SYNE1: variants seen among roughly 807,000 people sequenced by gnomAD.
The protein encoded by SYNE1 is spectrin repeat containing nuclear envelope protein 1, also known as nesprin-1.
Under a neutral mutation model 1,111.0 loss-of-function variants are expected in SYNE1, and 616 were observed. The ratio of observed to expected loss-of-function variants is 0.55; its 90% CI spans 0.52 to 0.59. The LOEUF (loss-of-function observed/expected upper bound fraction) is 0.59, where lower values mean the gene tolerates loss of function less well. SYNE1 is among the 20% of genes least tolerant of loss of function. SYNE1 has a pLI of 0.00. For missense variants in SYNE1, 10,006 were observed against 10,417.0 expected (o/e 0.96, Z 1.72); for synonymous variants, 3,855 against 3,825.8 (o/e 1.01, Z -0.28).
chr6:152,284,079 C>T lies in SYNE1; in HGVS notation c.18106G>A (p.Asp6036Asn), dbSNP rs147615757. The change falls in exon 96 of 146, where the codon GAC becomes AAC. Residue 6036 changes from aspartate to asparagine, a missense_variant. Asp to Asn is a conservative substitution (Grantham distance 23). Transcript: ENST00000367255. Reference protein sequence around the residue: ...EELVSESCEADPAEQLALQST... With the variant: ...EELVSESCEANPAEQLALQST... ...TGCAAGGCCAGCTGCTCCGCAGGGT[C>T]GGCCTCACAAGACTCGGATACCAGC... The T allele has an allele frequency of 8.7e-6, 14 of 1,614,022 alleles. No homozygotes were observed. Among genetic ancestry groups the T allele is most frequent in the Admixed American group, 8.3e-5 (5 of 59,996 alleles).
intron 3 of SYNE1, among the ~76,000 whole-genome samples, chr6:152,576,850 C>G (rs1202752887): frequency 6.6e-6 from 1 of 152,144 alleles, no homozygotes; most frequent in Non-Finnish European, 1.5e-5. Flanking sequence ...ACCCTCAAAG[C>G]AAACAGGAAA....
Position 152,254,964 on chromosome 6 carries a change from C to G in SYNE1, c.19386G>C (p.Leu6462Phe), listed in dbSNP as rs1453005046. 2 of 1,613,988 alleles carry G rather than the reference C, an allele frequency of 1.2e-6. No individual in the cohort carries two copies. Among genetic ancestry groups the G allele is most frequent in the Admixed American group, 3.3e-5 (2 of 60,026 alleles). Residue 6462 changes from leucine to phenylalanine, a missense_variant, in exon 104 of 146, where the codon TTG becomes TTC. Physicochemically the swap from Leu to Phe is conservative, Grantham distance 22 (BLOSUM62 0). This residue lies in a region of SYNE1 where 2,182 missense variants were observed against 2,287.8 expected (regional missense o/e 0.95). Coordinates refer to ENST00000367255, the MANE Select transcript of SYNE1 (RefSeq NM_182961.4). ...CTGAGTCTAGCAAGGATAACCTGCCCAAAAGACAACCCAAAGTATCTTCAA... is the reference window on the plus strand; with the variant it reads ...CTGAGTCTAGCAAGGATAACCTGCCGAAAAGACAACCCAAAGTATCTTCAA... ...DVIEDTLGCL[L>F]GRLSLLDSVV...
rs925729181 is a variant in SYNE1, at chr6:152,148,509, G to A, written c.24643-131C>T. On this transcript the variant is annotated intron_variant, in intron 136 of 145. Coordinates refer to ENST00000367255, the MANE Select transcript of SYNE1 (RefSeq NM_182961.4). The surrounding 1 kb of genome is among the most constrained non-coding windows in gnomAD (Gnocchi z 4.1). ...AATAAATAAGAATCTTCTGATCACA[G>A]AAATACAGGGGACAGTGCTGCTCTA... The A allele has an allele frequency of 8.8e-6, 7 of 794,644 alleles. No individual in the cohort carries two copies. In the African/African-American group the frequency reaches 1.2e-4, roughly 13 times the overall value. 49.2% of individuals were successfully genotyped at this position (794,644 alleles called of 1,614,324 possible).
rs140492472 is a variant in SYNE1, at chr6:152,298,433, C to A, written c.17682+2208G>T. On this transcript the variant is annotated intron_variant, in intron 93 of 145. Transcript: ENST00000367255. ...AAAATCTAGGAATGCCTCGGTATTT[C>A]TACCTTCAAGTAAGCTAAACTGTTA... Among the ~76,000 whole-genome samples, 303 of 152,294 alleles carry A rather than the reference C, an allele frequency of 2.0e-3. 1 individual carries two copies. Among genetic ancestry groups the A allele is most frequent in the African/African-American group, 6.5e-3 (272 of 41,570 alleles).
In SYNE1 at chr6:152,472,322, T is replaced by C. The variant is rs750931770; in HGVS notation, c.1442A>G (p.Gln481Arg). 1 of 1,613,948 alleles carries C rather than the reference T, an allele frequency of 6.2e-7. No individual in the cohort carries two copies. The highest frequency in any genetic ancestry group is 1.7e-5 in the Admixed American group (1 of 60,014). Residue 481 changes from glutamine (Q) to arginine (R), a missense_variant, in exon 15 of 146, where the codon CAA becomes CGA. By Grantham distance (43) the Gln-to-Arg change is conservative. Around this residue, in one of 7 missense-constraint regions of SYNE1, gnomAD observed 1,971 missense variants for 2,084.1 expected, o/e 0.95. Transcript: ENST00000367255. The part of the protein sequence containing the change: ...SVNGIPVPPD[Q>R]LEDMAERFHF... ...TTACCTCTCGGCCATGTCCTCTAAT[T>C]GATCAGGTGGCACTGGAATCCCGTT...
At chr6:152,310,996 A>AC (rs1229202915) in intron 87 of SYNE1, 123 bp from the exon 88 acceptor site, 3 of 918,522 alleles carry the variant, frequency 3.3e-6, no homozygotes, top group East Asian at 2.6e-5. Context: ...TTTAACCTTC[A>AC]CCCCCCATGA....
At chr6:152,249,109 G>T in intron 105 of SYNE1, 52 bp downstream of exon 105, 1 of 1,175,636 alleles carries the variant, frequency 8.5e-7, no homozygotes, top group Non-Finnish European at 1.3e-6. Context: ...TTCATAGTAA[G>T]TCATATCTCC....
intron 7 of SYNE1, among the ~76,000 whole-genome samples, chr6:152,510,779 A>T (rs1023154853): frequency 2.0e-5 from 3 of 152,154 alleles, no homozygotes; most frequent in Non-Finnish European, 1.5e-5. Flanking sequence ...CGCTTTTCAG[A>T]TTGGGCACCT....
At chr6:152,526,054 G>A (rs771785241) in intron 5 of SYNE1, 26 bp downstream of exon 5, 4 of 1,601,208 alleles carry the variant, frequency 2.5e-6, no homozygotes, top group Non-Finnish European at 2.6e-6. Flanking sequence ...AATTTGACAA[G>A]TATGATCACA....
chr6:152,156,303 G>A (rs973255468), intron 131 of SYNE1, among the ~76,000 whole-genome samples: 3 of 152,112 alleles, frequency 2.0e-5, no homozygotes, highest in East Asian at 1.9e-4. Flanking sequence ...TTGGCTATGC[G>A]AGCAATGCCA....
chr6:152,302,112 A>C, intron 91 of SYNE1, 49 bp from the exon 92 acceptor site: 1 of 1,611,980 alleles, frequency 6.2e-7, no homozygotes, highest in Non-Finnish European at 8.5e-7. Context: ...ATCAAAAGGA[A>C]ACAGAAGTAG....
intron 82 of SYNE1, 152 bp from the exon 83 acceptor site, chr6:152,322,038 C>A (rs1360495270): frequency 5.3e-6 from 4 of 760,466 alleles, no homozygotes; most frequent in Non-Finnish European, 6.6e-6. Flanking sequence ...AATAACACTG[C>A]AGTTCATGTA....
intron 56 of SYNE1, among the ~76,000 whole-genome samples, chr6:152,378,958 A>G (rs1442575740): frequency 2.6e-5 from 4 of 152,228 alleles, no homozygotes; most frequent in Admixed American, 6.5e-5. Flanking sequence ...ATTTACAAAA[A>G]TTCATCAACA....
intron 130 of SYNE1, among the ~76,000 whole-genome samples, chr6:152,171,433 G>A (rs947867699): frequency 6.6e-6 from 1 of 152,212 alleles, no homozygotes; most frequent in Non-Finnish European, 1.5e-5. Flanking sequence ...GACTACTATG[G>A]TGATCAAGGT....
intron 3 of SYNE1, among the ~76,000 whole-genome samples, chr6:152,616,684 G>A (rs1473156429): frequency 6.6e-6 from 1 of 152,170 alleles, no homozygotes; most frequent in Non-Finnish European, 1.5e-5. Context: ...GATACAATTT[G>A]AAACAGCTAA....
intron 3 of SYNE1, among the ~76,000 whole-genome samples, chr6:152,557,464 T>C (rs1185639475): frequency 6.6e-6 from 1 of 152,058 alleles, no homozygotes; most frequent in Non-Finnish European, 1.5e-5. Flanking sequence ...TATCCATGAA[T>C]ACCAAGAGCC....
intron 91 of SYNE1, among the ~76,000 whole-genome samples, chr6:152,308,237 A>C (rs963135746): frequency 6.6e-6 from 1 of 152,182 alleles, no homozygotes; most frequent in South Asian, 2.1e-4. Context: ...GCAGGAGATG[A>C]TAATCAGTGG....
At chr6:152,161,587 A>T (rs1468228125) in intron 131 of SYNE1, among the ~76,000 whole-genome samples, 1 of 151,580 alleles carries the variant, frequency 6.6e-6, no homozygotes, top group African/African-American at 2.4e-5. Flanking sequence ...TTTCTCTACA[A>T]TGTGTTTCCT....
At position 152,331,590 on chromosome 6, in the gene SYNE1, G is replaced by C. The variant is rs62426014; in HGVS notation, c.13095C>G (p.Pro4365=). Residue 4365 remains proline, a synonymous_variant, in exon 78 of 146, where the codon CCC becomes CCG. Coordinates refer to ENST00000367255, the MANE Select transcript of SYNE1 (RefSeq NM_182961.4). ...ELMEWAEEQQ[P]NIAEALKQSP... is the part of the protein sequence containing the mutation. ...TCTGCTTAAGGGCCTCGGCGATGTT[G>C]GGTTGTTGCTCTTCTGCCCACTCCA... 1 of 1,614,140 alleles carries C rather than the reference G, an allele frequency of 6.2e-7. No individual in the cohort carries two copies. Among genetic ancestry groups the C allele is most frequent in the Non-Finnish European group, 8.5e-7 (1 of 1,180,022 alleles).
Sources: gnomAD v4.1 joint callset for allele counts (sites outside exome capture counted in the v4.1 genomes callset) on GRCh38, gnomAD v4.1.1 for gene constraint, gnomAD v4.1.1 regional missense constraint, Gnocchi (gnomAD v3.1) non-coding constraint, MANE v1.5 for transcripts, NCBI Gene and HGNC (gene_info 2026-07-23, HGNC 2026-07-21) for gene names.